The following FHIT variants were observed in gnomAD, a reference collection of about 807,000 sequenced individuals.
The protein encoded by FHIT is bis(5'-adenosyl)-triphosphatase.
FHIT carries 19 observed loss-of-function variants against 17.9 expected under a neutral mutation model. The observed-to-expected ratio is 1.06, with a 90% CI of 0.74 to 1.56. The LOEUF (loss-of-function observed/expected upper bound fraction) is 1.56. FHIT is among the 40% of genes most tolerant of loss of function. The pLI, the probability that FHIT is intolerant of heterozygous loss-of-function variation, is 0.00. For missense variants in FHIT, 248 were observed against 189.2 expected (o/e 1.31, Z -1.82); for synonymous variants, 81 against 69.7 (o/e 1.16, Z -0.81).
chr3:59,880,176 C>A (rs1436146062), intron 8 of FHIT, among the ~76,000 whole-genome samples: 2 of 152,154 alleles, frequency 1.3e-5, no homozygotes, highest in Non-Finnish European at 2.9e-5. Flanking sequence ...TGGTCTCCTG[C>A]CTGTCCCCTC....
intron 4 of FHIT, among the ~76,000 whole-genome samples, chr3:60,557,259 G>A (rs1385975438): frequency 1.3e-5 from 2 of 152,158 alleles, no homozygotes; most frequent in African/African-American, 4.8e-5. Flanking sequence ...ACCCAGGTAT[G>A]TGACACTGGT....
intron 5 of FHIT, among the ~76,000 whole-genome samples, chr3:60,364,426 T>C (rs1045610336): frequency 6.6e-6 from 1 of 152,226 alleles, no homozygotes; most frequent in Non-Finnish European, 1.5e-5. Context: ...ACTTAGACAA[T>C]ACATTATACT....
intron 5 of FHIT, among the ~76,000 whole-genome samples, chr3:60,393,333 C>T (rs151163422): frequency 1.9e-3 from 290 of 151,282 alleles, no homozygotes; most frequent in Non-Finnish European, 3.6e-3. Context: ...TTTTGAAGTC[C>T]TCTTGTACTA....
chr3:60,535,734 G>C (rs2035958351), intron 5 of FHIT: 2 of 150,982 alleles, frequency 1.3e-5, no homozygotes, highest in African/African-American at 2.4e-5. Flanking sequence ...TATTTGACTA[G>C]AATTTGGATT....
At chr3:60,653,123 T>A (rs190161300) in intron 4 of FHIT, among the ~76,000 whole-genome samples, 11 of 152,114 alleles carry the variant, frequency 7.2e-5, no homozygotes, top group Non-Finnish European at 1.2e-4. Flanking sequence ...AGAAATTTAA[T>A]ATGACAAGAA....
chr3:60,639,719 G>C (rs184876551), intron 4 of FHIT, among the ~76,000 whole-genome samples: 1 of 152,170 alleles, frequency 6.6e-6, no homozygotes, highest in African/African-American at 2.4e-5. Flanking sequence ...TATTTGGGCA[G>C]ATTAAAAATT....
At chr3:61,217,877 A>G (rs1372531146) in intron 1 of FHIT, among the ~76,000 whole-genome samples, 1 of 152,232 alleles carries the variant, frequency 6.6e-6, no homozygotes, top group Non-Finnish European at 1.5e-5. Flanking sequence ...GATTTTTAAA[A>G]TATGTTTGAA....
intron 5 of FHIT, among the ~76,000 whole-genome samples, chr3:60,109,372 A>G (rs1249220283): frequency 6.6e-6 from 1 of 152,184 alleles, no homozygotes; most frequent in African/African-American, 2.4e-5. Context: ...AAACTCCATA[A>G]AACACAATCC....
chr3:60,589,034 A>G (rs1553663181), intron 4 of FHIT, among the ~76,000 whole-genome samples: 1 of 152,040 alleles, frequency 6.6e-6, no homozygotes, highest in Non-Finnish European at 1.5e-5. Flanking sequence ...GTTGGAGCCT[A>G]TGGGTTCTAC....
chr3:60,721,290 T>A (rs531007453), intron 4 of FHIT, among the ~76,000 whole-genome samples: 396 of 152,310 alleles, frequency 2.6e-3, no homozygotes, highest in African/African-American at 8.9e-3. Context: ...AACCTTCTGC[T>A]ATGTAAAAAC....
chr3:60,507,415 T>A (rs1201838624), intron 5 of FHIT, among the ~76,000 whole-genome samples: 1 of 152,186 alleles, frequency 6.6e-6, no homozygotes, highest in Non-Finnish European at 1.5e-5. Context: ...AAAGGCCATG[T>A]TTTAAAAGCT....
At chr3:61,072,064 A>T (rs900969008) in intron 2 of FHIT, among the ~76,000 whole-genome samples, 2 of 152,116 alleles carry the variant, frequency 1.3e-5, no homozygotes, top group African/African-American at 4.8e-5. Flanking sequence ...AGCCAGAAAC[A>T]TTTGGATTCA....
At chr3:61,128,451 A>AT (rs952273159) in intron 2 of FHIT, among the ~76,000 whole-genome samples, 2 of 152,066 alleles carry the variant, frequency 1.3e-5, no homozygotes, top group Admixed American at 1.3e-4. Context: ...TTCTTCCCTA[A>AT]TTTTTTTTAA....
At chr3:60,600,984 G>A (rs1252834289) in intron 4 of FHIT, among the ~76,000 whole-genome samples, 4 of 152,090 alleles carry the variant, frequency 2.6e-5, no homozygotes, top group Non-Finnish European at 5.9e-5. Context: ...CCTCACCTAT[G>A]TTTCTCCATT....
At chr3:60,537,066 A>C (rs902688241) in intron 4 of FHIT, 87 bp from the exon 5 acceptor site, 1 of 1,072,376 alleles carries the variant, frequency 9.3e-7, no homozygotes, top group African/African-American at 1.6e-5. Context: ...TTCCATTACT[A>C]CAGATTCTTA....
chr3:59,862,581 C>T (rs889307680), intron 8 of FHIT, among the ~76,000 whole-genome samples: 1 of 152,224 alleles, frequency 6.6e-6, no homozygotes, highest in African/African-American at 2.4e-5. Flanking sequence ...CACAGGTCCC[C>T]ATTCTGGGGA....
rs556221384 is a variant in FHIT, at chr3:59,955,462, C to T, written c.280-33048G>A. ...AGCGACACACTTTTCTCATTGAACC[C>T]ATTCAGCCCCTCCGCTTTACACACC... On this transcript the variant is annotated intron_variant, in intron 7 of 9. Coordinates refer to ENST00000492590, the MANE Select transcript of FHIT (RefSeq NM_002012.4). Among the ~76,000 whole-genome samples the T allele has an allele frequency of 2.8e-4, 43 of 152,310 alleles. 1 individual carries two copies. Among genetic ancestry groups the T allele is most frequent in the Admixed American group, 2.7e-3 (42 of 15,298 alleles).
chr3:59,751,555 A>C (rs1291355271), intron 9 of FHIT: 1 of 217,688 alleles, frequency 4.6e-6, no homozygotes, highest in African/African-American at 2.2e-5. Flanking sequence ...TTGGAGTAGA[A>C]GCATTTTGAC....
At chr3:61,033,014 A>C (rs2033080103) in intron 3 of FHIT, among the ~76,000 whole-genome samples, 1 of 152,206 alleles carries the variant, frequency 6.6e-6, no homozygotes, top group Non-Finnish European at 1.5e-5. Context: ...TCAAACAGAG[A>C]CAGTGAATTT....
Sources: allele counts gnomAD v4.1 joint callset (sites outside exome capture counted in the v4.1 genomes callset), GRCh38; gene constraint gnomAD v4.1.1; transcripts MANE v1.5; gene names NCBI Gene and HGNC (gene_info 2026-07-23, HGNC 2026-07-21).